POU2F1: variants seen among roughly 807,000 people sequenced by gnomAD.
POU2F1 encodes the protein POU class 2 homeobox 1.
POU2F1 carries 16 observed loss-of-function variants against 84.9 expected under a neutral mutation model. The observed-to-expected ratio is 0.19, with a 90% CI of 0.13 to 0.29. POU2F1 has a LOEUF of 0.29. Ranked by LOEUF, POU2F1 falls within the 10% of genes least tolerant of loss-of-function variation. The probability of loss-of-function intolerance (pLI) is 1.00; values close to 1 mark genes in which losing one functional copy is unlikely to be tolerated. For missense variants in POU2F1, 738 were observed against 942.6 expected (o/e 0.78, Z 2.84); for synonymous variants, 368 against 368.3 (o/e 1.00, Z 0.01).
At chr1:167,363,923 A>G (rs1023209448) in intron 2 of POU2F1, among the ~76,000 whole-genome samples, 1 of 152,190 alleles carries the variant, frequency 6.6e-6, no homozygotes, top group Non-Finnish European at 1.5e-5. Flanking sequence ...ACACTGCTGT[A>G]AGGTTCTAAC....
intron 1 of POU2F1, among the ~76,000 whole-genome samples, chr1:167,326,244 A>G (rs1250185151): frequency 1.3e-5 from 2 of 152,220 alleles, no homozygotes; most frequent in Admixed American, 6.5e-5. Flanking sequence ...ATTCATGCTC[A>G]AGTGTGAATG....
intron 1 of POU2F1, chr1:167,241,523 T>G (rs1178242129): frequency 1.3e-5 from 2 of 152,228 alleles, no homozygotes; most frequent in African/African-American, 4.8e-5. Flanking sequence ...ACAGCACGAT[T>G]TGTTGGATGT....
intron 1 of POU2F1, among the ~76,000 whole-genome samples, chr1:167,287,815 T>C (rs1023125440): frequency 3.3e-5 from 5 of 152,086 alleles, no homozygotes; most frequent in Non-Finnish European, 4.4e-5. Flanking sequence ...CCAAGCGAGA[T>C]AGGTAAAAAT....
intron 2 of POU2F1, among the ~76,000 whole-genome samples, chr1:167,357,248 C>T (rs1233784454): frequency 6.6e-6 from 1 of 151,212 alleles, no homozygotes; most frequent in Admixed American, 6.6e-5. Flanking sequence ...AAAGGAAATG[C>T]TTTTAATTTT....
At chr1:167,275,688 C>T (rs142855534) in intron 1 of POU2F1, among the ~76,000 whole-genome samples, 2 of 152,250 alleles carry the variant, frequency 1.3e-5, no homozygotes, top group East Asian at 3.9e-4. Context: ...CTTACTATCA[C>T]CCTGTCTTAG....
chr1:167,409,099 CTT>C (rs768512831), intron 13 of POU2F1, among the ~76,000 whole-genome samples: 18 of 152,180 alleles, frequency 1.2e-4, no homozygotes, highest in Non-Finnish European at 2.2e-4. Flanking sequence ...TCTGTGAACT[CTT>C]TGCTTAACCC....
intron 2 of POU2F1, chr1:167,338,221 G>A: frequency 2.1e-6 from 1 of 465,984 alleles, no homozygotes; most frequent in South Asian, 1.5e-5. Flanking sequence ...AGACAAGGAT[G>A]AAGATCTTTG....
chr1:167,353,470 T>TA (rs1177678178), intron 2 of POU2F1, among the ~76,000 whole-genome samples: 3 of 152,132 alleles, frequency 2.0e-5, no homozygotes, highest in Admixed American at 1.3e-4. Context: ...CTATTGTTCT[T>TA]ACCTTTTCAG....
At chr1:167,340,349 G>C (rs188504653) in intron 2 of POU2F1, among the ~76,000 whole-genome samples, 8 of 152,006 alleles carry the variant, frequency 5.3e-5, no homozygotes, top group African/African-American at 1.9e-4. Context: ...CAAAGTGCTG[G>C]GATTAGAGGT....
At chr1:167,398,644 A>T (rs1648979691) in intron 11 of POU2F1, among the ~76,000 whole-genome samples, 1 of 152,176 alleles carries the variant, frequency 6.6e-6, no homozygotes, top group Non-Finnish European at 1.5e-5. Flanking sequence ...TTTGGCAATT[A>T]TTTTTTTGTA....
intron 2 of POU2F1, among the ~76,000 whole-genome samples, chr1:167,356,445 G>A (rs535786668): frequency 1.3e-5 from 2 of 152,122 alleles, no homozygotes; most frequent in Non-Finnish European, 2.9e-5. Context: ...CAACTCAGAT[G>A]TTTTCTTTTT....
rs114647111 is a variant in POU2F1 at position 167,352,663 on chromosome 1, T to G, written c.128-12804T>G. Among the ~76,000 whole-genome samples, 528 of 152,310 alleles carry G rather than the reference T, an allele frequency of 3.5e-3. 2 individuals are homozygous for G. Among genetic ancestry groups the G allele is most frequent in the African/African-American group, 0.012 (498 of 41,536 alleles). ...TTATTTGTAAAACAAGGAGCTTGAT[T>G]AGTTCTTTTTAATGTCCCTTTCAGC... On this transcript the variant is annotated intron_variant, in intron 2 of 15. Transcript: ENST00000367866.
At chr1:167,255,780 A>G (rs1651086991) in intron 1 of POU2F1, among the ~76,000 whole-genome samples, 1 of 152,174 alleles carries the variant, frequency 6.6e-6, no homozygotes, top group Admixed American at 6.5e-5. Context: ...GACAAGAAAG[A>G]CGAAGTAATT....
intron 2 of POU2F1, among the ~76,000 whole-genome samples, chr1:167,356,949 G>C (rs1162850692): frequency 6.6e-6 from 1 of 152,136 alleles, no homozygotes; most frequent in Non-Finnish European, 1.5e-5. Context: ...CTTTTCTGGT[G>C]GTGTGCCCCC....
At chr1:167,275,925 A>C (rs191421897) in intron 1 of POU2F1, among the ~76,000 whole-genome samples, 164 of 152,326 alleles carry the variant, frequency 1.1e-3, no homozygotes, top group African/African-American at 3.8e-3. Flanking sequence ...GTCTTATTTA[A>C]TAACTTAAGA....
chr1:167,251,356 G>A (rs1650713772), intron 1 of POU2F1, among the ~76,000 whole-genome samples: 1 of 152,104 alleles, frequency 6.6e-6, no homozygotes, highest in Admixed American at 6.6e-5. Context: ...CTGAGATCAT[G>A]CCACTGCACT....
At chr1:167,231,314 C>T (rs1265231498) in intron 1 of POU2F1, among the ~76,000 whole-genome samples, 1 of 151,986 alleles carries the variant, frequency 6.6e-6, no homozygotes, top group Non-Finnish European at 1.5e-5. Flanking sequence ...ATATTTTTAT[C>T]AGTTCGGCTT....
At position 167,374,094 on chromosome 1, in the gene POU2F1, C is replaced by G. The variant is rs1468164539; in HGVS notation, c.403-14C>G. 2 of 1,613,698 alleles carry G rather than the reference C, an allele frequency of 1.2e-6. No individual in the cohort carries two copies. Among genetic ancestry groups the G allele is most frequent in the African/African-American group, 2.7e-5 (2 of 75,022 alleles). Reference sequence around the variant, plus strand: ...CTTCAACACTTTCCCATAATGTGTTCTGGTTTTGTTTAGCTTACTTTGACG... The same window carrying G: ...CTTCAACACTTTCCCATAATGTGTTGTGGTTTTGTTTAGCTTACTTTGACG... On this transcript the variant is annotated splice_polypyrimidine_tract_variant and intron_variant, in intron 5 of 15. Coordinates refer to ENST00000367866, the MANE Select transcript of POU2F1 (RefSeq NM_002697.4).
At chr1:167,372,837 T>C (rs562885800) in intron 5 of POU2F1, among the ~76,000 whole-genome samples, 8 of 152,336 alleles carry the variant, frequency 5.3e-5, no homozygotes, top group South Asian at 4.1e-4. Context: ...TATTAAATTA[T>C]CTTTGTGGGG....
Sources: allele counts gnomAD v4.1 joint callset (sites outside exome capture counted in the v4.1 genomes callset), GRCh38; gene constraint gnomAD v4.1.1; transcripts MANE v1.5; gene names NCBI Gene and HGNC (gene_info 2026-07-23, HGNC 2026-07-21).